SYNE2: variants seen among roughly 807,000 people sequenced by gnomAD.
The protein encoded by SYNE2 is spectrin repeat containing nuclear envelope protein 2, also known as nesprin-2.
In SYNE2, 431 loss-of-function variants were observed where a neutral mutation model predicts 856.3. The observed-to-expected ratio is 0.50, with a 90% CI of 0.47 to 0.55. SYNE2 has a LOEUF of 0.55. SYNE2 is among the 20% of genes least tolerant of loss of function. SYNE2 has a pLI of 0.00. For missense variants in SYNE2, 8,129 were observed against 8,023.2 expected, an observed-to-expected ratio of 1.01 and a Z score of -0.50; for synonymous variants, 2,923 against 2,872.3, an observed-to-expected ratio of 1.02 and a Z score of -0.56.
At chr14:63,948,772 A>ATATG (rs1411444415) in intron 6 of SYNE2, among the ~76,000 whole-genome samples, 1,475 of 54,754 alleles carry the variant, frequency 0.027, 61 homozygotes, top group African/African-American at 0.032. Flanking sequence ...ATATATATGT[A>ATATG]TGTGTGTGTG....
At chr14:63,852,010 T>TA (rs796230278), upstream of SYNE2, among the ~76,000 whole-genome samples, 1 of 2,426 alleles carries the variant, frequency 4.1e-4, no homozygotes, top group Non-Finnish European at 1.0e-3. Context: ...ATGGATGAAA[T>TA]GGGGGGGGGG....
chr14:64,213,747 C>T lies in SYNE2; in HGVS notation c.19057-447C>T, dbSNP rs370171656. 2.0e-4 allele frequency among the ~76,000 whole-genome samples: 31 copies of T among 152,184 alleles called. 2 individuals carry two copies. In the South Asian group the frequency reaches 6.2e-3, roughly 31 times the overall value. The stretch of plus-strand genomic sequence containing the variant: ...CGTTATGACACAAGCAGAATACAGA[C>T]ACTGAGCAATTAAGTTGGAGGATAA... On this transcript the variant is annotated intron_variant, in intron 105 of 115. Coordinates refer to ENST00000555002, the MANE Select transcript of SYNE2 (RefSeq NM_182914.3).
At chr14:64,038,506 G>A (rs1325010351) in intron 45 of SYNE2, among the ~76,000 whole-genome samples, 1 of 152,192 alleles carries the variant, frequency 6.6e-6, no homozygotes, top group South Asian at 2.1e-4. Context: ...GGAGGTGGAG[G>A]TTGTAGCGAG....
At chr14:64,212,490 T>C (rs978025429) in intron 104 of SYNE2, among the ~76,000 whole-genome samples, 4 of 152,246 alleles carry the variant, frequency 2.6e-5, no homozygotes, top group Admixed American at 6.5e-5. Flanking sequence ...TGGCTTATTA[T>C]GGGAAATGTT....
intron 1 of SYNE2, among the ~76,000 whole-genome samples, chr14:63,771,374 A>G (rs945819165): frequency 2.0e-5 from 3 of 152,010 alleles, no homozygotes; most frequent in Non-Finnish European, 4.4e-5. Flanking sequence ...CCGGCCCCTT[A>G]TACACTCTTG....
intron 32 of SYNE2, among the ~76,000 whole-genome samples, chr14:64,015,189 C>T (rs1403792758): frequency 6.6e-6 from 1 of 150,962 alleles, no homozygotes; most frequent in Non-Finnish European, 1.5e-5. Flanking sequence ...TTTTTTGGTA[C>T]TGTAAAACTG....
At chr14:64,209,328 GTCT>G (rs2098628029) in intron 101 of SYNE2, 97 bp from the exon 102 acceptor site, 1 of 1,586,832 alleles carries the variant, frequency 6.3e-7, no homozygotes, top group African/African-American at 1.3e-5. Flanking sequence ...GGGTAACAGG[GTCT>G]CCCCCACTAA....
intron 53 of SYNE2, 99 bp downstream of exon 53, chr14:64,074,235 G>T (rs368462810): frequency 2.4e-6 from 3 of 1,261,640 alleles, no homozygotes; most frequent in Non-Finnish European, 3.5e-6. Flanking sequence ...GGGTTTGGGG[G>T]AGCGGTCTGG....
At chr14:64,182,321 CTT>C (rs2098461719) in intron 96 of SYNE2, among the ~76,000 whole-genome samples, 1 of 152,074 alleles carries the variant, frequency 6.6e-6, no homozygotes, top group Non-Finnish European at 1.5e-5. Flanking sequence ...AAACTTATCT[CTT>C]TGACAGTTTG....
intron 66 of SYNE2, 144 bp downstream of exon 66, chr14:64,113,715 G>A: frequency 1.1e-6 from 1 of 921,008 alleles, no homozygotes. Context: ...TTAGTTCTCA[G>A]GGTAATTCTT....
intron 1 of SYNE2, among the ~76,000 whole-genome samples, chr14:63,882,404 TA>T (rs1192969013): frequency 1.3e-5 from 2 of 152,148 alleles, no homozygotes; most frequent in Non-Finnish European, 2.9e-5. Flanking sequence ...AAACAAGTAG[TA>T]ATGTTACTGA....
At chr14:64,149,291 C>G (rs765402192) in intron 84 of SYNE2, among the ~76,000 whole-genome samples, 2 of 151,804 alleles carry the variant, frequency 1.3e-5, no homozygotes, top group Non-Finnish European at 2.9e-5. Context: ...GGATAAGACC[C>G]CATCTCTAAA....
At chr14:64,044,533 A>G (rs564474946) in intron 45 of SYNE2, among the ~76,000 whole-genome samples, 1 of 152,304 alleles carries the variant, frequency 6.6e-6, no homozygotes, top group East Asian at 1.9e-4. Context: ...ATGTGAGGAC[A>G]TGAGATTTGG....
At chr14:64,093,285 A>G in intron 60 of SYNE2, 64 bp from the exon 61 acceptor site, 2 of 1,590,630 alleles carry the variant, frequency 1.3e-6, no homozygotes, top group East Asian at 2.2e-5. Flanking sequence ...CTAGACAATG[A>G]AAATAGTCCA....
intron 1 of SYNE2, among the ~76,000 whole-genome samples, chr14:63,777,539 G>T (rs574640972): frequency 1.3e-5 from 2 of 152,140 alleles, no homozygotes; most frequent in African/African-American, 4.8e-5. Flanking sequence ...AAACAAATTG[G>T]TGTATGAAAC....
chr14:64,175,178 T>A lies in SYNE2; in HGVS notation c.17430+40T>A, dbSNP rs373023098. 3.7e-6 allele frequency: 6 copies of A among 1,606,670 alleles called. No homozygotes were observed. In the South Asian group the frequency reaches 6.6e-5, roughly 18 times the overall value. Reference sequence around the variant, plus strand: ...TACTTTTCCATTCATGATATTCAAATTCAGTACATAGATTTTCATTTGTGG... The same window carrying A: ...TACTTTTCCATTCATGATATTCAAAATCAGTACATAGATTTTCATTTGTGG... On this transcript the variant is annotated intron_variant, in intron 95 of 115. Coordinates refer to ENST00000555002, the MANE Select transcript of SYNE2 (RefSeq NM_182914.3).
chr14:64,104,384 C>T (rs1301105113), intron 64 of SYNE2, among the ~76,000 whole-genome samples: 1 of 151,596 alleles, frequency 6.6e-6, no homozygotes, highest in Non-Finnish European at 1.5e-5. Flanking sequence ...CCCTCTTTCT[C>T]TTTCGTCTGT....
intron 7 of SYNE2, among the ~76,000 whole-genome samples, chr14:63,952,268 G>C (rs1442420119): frequency 1.3e-5 from 2 of 152,178 alleles, no homozygotes; most frequent in African/African-American, 4.8e-5. Context: ...TACAGTGCCT[G>C]CCAGTCAGTG....
chr14:64,214,184 T>C lies in SYNE2; in HGVS notation c.19057-10T>C. 6.2e-7 allele frequency: 1 copy of C among 1,614,182 alleles called. No individual in the cohort carries two copies. Among genetic ancestry groups the C allele is most frequent in the Non-Finnish European group, 8.5e-7 (1 of 1,180,044 alleles). On this transcript the variant is annotated splice_polypyrimidine_tract_variant and intron_variant, in intron 105 of 115. Coordinates refer to ENST00000555002, the MANE Select transcript of SYNE2 (RefSeq NM_182914.3). ...TTGATTAATTCTAACAACTGGATACTGTGGTTTAGGGCTTGGAAGATGAAA... is the reference window on the plus strand; with the variant it reads ...TTGATTAATTCTAACAACTGGATACCGTGGTTTAGGGCTTGGAAGATGAAA...
Sources: gnomAD v4.1 joint callset for allele counts (sites outside exome capture counted in the v4.1 genomes callset) on GRCh38, gnomAD v4.1.1 for gene constraint, MANE v1.5 for transcripts, NCBI Gene and HGNC (gene_info 2026-07-23, HGNC 2026-07-21) for gene names.